Variants in CTNNA2 observed in about 807,000 individuals in gnomAD.
CTNNA2 encodes the protein catenin alpha 2, also known as catenin alpha-2.
Under a neutral mutation model 101.0 loss-of-function variants are expected in CTNNA2, and 42 were observed. The observed-to-expected ratio is 0.42, with a 90% confidence interval of 0.32 to 0.54. The LOEUF (loss-of-function observed/expected upper bound fraction) is 0.54, where lower values mean the gene tolerates loss of function less well. Among genes scored for constraint, CTNNA2 ranks in the 20% least tolerant of loss-of-function variants. The probability of loss-of-function intolerance (pLI) is 0.14; values close to 1 mark genes in which losing one functional copy is unlikely to be tolerated. For missense variants in CTNNA2, 871 were observed against 1,223.1 expected (o/e 0.71, Z 4.29); for synonymous variants, 450 against 456.4 (o/e 0.99, Z 0.18).
At chr2:80,506,270 C>T (rs780761059) in intron 9 of CTNNA2, among the ~76,000 whole-genome samples, 35 of 152,238 alleles carry the variant, frequency 2.3e-4, no homozygotes, top group Non-Finnish European at 3.5e-4. Flanking sequence ...AGCACTTGGG[C>T]TGACTCGTTA....
intron 9 of CTNNA2, among the ~76,000 whole-genome samples, chr2:80,510,793 C>G (rs1688645584): frequency 1.3e-5 from 2 of 152,186 alleles, no homozygotes; most frequent in Admixed American, 1.3e-4. Context: ...ACAGTAGAAT[C>G]TATAATCCTG....
At chr2:79,555,062 G>A (rs1674358820) in intron 1 of CTNNA2, among the ~76,000 whole-genome samples, 1 of 152,150 alleles carries the variant, frequency 6.6e-6, no homozygotes, top group Non-Finnish European at 1.5e-5. Flanking sequence ...TTAGGAATTA[G>A]GAGCAGATTT....
At chr2:80,134,023 A>G (rs1239780459) in intron 7 of CTNNA2, among the ~76,000 whole-genome samples, 1 of 152,196 alleles carries the variant, frequency 6.6e-6, no homozygotes, top group African/African-American at 2.4e-5. Flanking sequence ...GTACGTGACA[A>G]TGACTGGCTC....
chr2:80,341,597 A>G (rs1315892918), intron 7 of CTNNA2, among the ~76,000 whole-genome samples: 1 of 152,226 alleles, frequency 6.6e-6, no homozygotes, highest in Non-Finnish European at 1.5e-5. Context: ...ATAATCAAAA[A>G]AGAAGATGGA....
At chr2:80,079,531 C>A (rs185443537) in intron 7 of CTNNA2, among the ~76,000 whole-genome samples, 238 of 152,280 alleles carry the variant, frequency 1.6e-3, no homozygotes, top group African/African-American at 5.5e-3. Context: ...TCAAATGAGT[C>A]CGGCTGGGCG....
At chr2:79,813,954 A>G (rs1209669093) in intron 3 of CTNNA2, among the ~76,000 whole-genome samples, 3 of 151,972 alleles carry the variant, frequency 2.0e-5, no homozygotes, top group Admixed American at 1.3e-4. Flanking sequence ...TTCTTTCTTG[A>G]CTTTTCTTGG....
chr2:80,136,462 C>T (rs1702702004), intron 7 of CTNNA2, among the ~76,000 whole-genome samples: 1 of 152,126 alleles, frequency 6.6e-6, no homozygotes, highest in Non-Finnish European at 1.5e-5. Flanking sequence ...CCTGCTTGGA[C>T]TCTTCCTTCT....
chr2:80,058,358 A>G (rs1697362308), intron 7 of CTNNA2, among the ~76,000 whole-genome samples: 1 of 152,244 alleles, frequency 6.6e-6, no homozygotes, highest in Non-Finnish European at 1.5e-5. Context: ...ACTGAGGGAT[A>G]GAAAGTTCTG....
At chr2:79,465,511 C>A (rs1670924369) in intron 4 of CTNNA2, among the ~76,000 whole-genome samples, 2 of 152,086 alleles carry the variant, frequency 1.3e-5, no homozygotes, top group Non-Finnish European at 2.9e-5. Flanking sequence ...TTTTCCAATT[C>A]TGTGAAGAAA....
chr2:79,706,041 C>T (rs1401938277), intron 2 of CTNNA2, among the ~76,000 whole-genome samples: 1 of 151,958 alleles, frequency 6.6e-6, no homozygotes, highest in African/African-American at 2.4e-5. Flanking sequence ...CATGGAAGAG[C>T]CGAAGGCCTT....
intron 17 of CTNNA2, among the ~76,000 whole-genome samples, chr2:80,613,721 C>G (rs1698640148): frequency 6.6e-6 from 1 of 151,434 alleles, no homozygotes; most frequent in South Asian, 2.1e-4. Context: ...TTCCAATATA[C>G]TCATTTTAAA....
chr2:79,717,778 G>C (rs1686202622), intron 2 of CTNNA2, among the ~76,000 whole-genome samples: 1 of 152,156 alleles, frequency 6.6e-6, no homozygotes, highest in Non-Finnish European at 1.5e-5. Flanking sequence ...AGCAGGCCAG[G>C]GGGTAGGGCC....
At chr2:80,437,318 T>C (rs1682130069) in intron 9 of CTNNA2, among the ~76,000 whole-genome samples, 1 of 152,224 alleles carries the variant, frequency 6.6e-6, no homozygotes, top group African/African-American at 2.4e-5. Flanking sequence ...TTCCAGTTTA[T>C]AAGATCAGGC....
chr2:79,684,829 A>G (rs535246082), intron 2 of CTNNA2, among the ~76,000 whole-genome samples: 1 of 152,288 alleles, frequency 6.6e-6, no homozygotes, highest in South Asian at 2.1e-4. Flanking sequence ...AGATTTGTCC[A>G]AATTTCCTTT....
At chr2:80,603,869 C>T (rs923163350) in intron 15 of CTNNA2, 1 of 533,024 alleles carries the variant, frequency 1.9e-6, no homozygotes, top group South Asian at 2.6e-5. Flanking sequence ...AAAATGTGAA[C>T]ATGCACATAA....
In CTNNA2 at chr2:79,465,675, C is replaced by T. The variant is rs1006392848; in HGVS notation, c.-134-39379C>T. On this transcript the variant is annotated intron_variant, in intron 4 of 21. Coordinates refer to the CTNNA2 transcript ENST00000466387. ...TATTTCATTGAGCAGTGGTTTGTAG[C>T]TCTCCTTGAAGAGGTCCTTCACATC... 1.3e-4 allele frequency among the ~76,000 whole-genome samples: 20 copies of T among 152,198 alleles called. 1 individual carries two copies. The highest frequency in any genetic ancestry group is 3.1e-4 in the African/African-American group (13 of 41,536).
chr2:79,995,783 C>T (rs929475786), intron 7 of CTNNA2, among the ~76,000 whole-genome samples: 1 of 152,110 alleles, frequency 6.6e-6, no homozygotes, highest in African/African-American at 2.4e-5. Flanking sequence ...CACCACTGCA[C>T]TCCAGCCTGG....
chr2:79,325,736 T>C (rs908392193), intron 3 of CTNNA2, among the ~76,000 whole-genome samples: 14 of 152,188 alleles, frequency 9.2e-5, no homozygotes, highest in Non-Finnish European at 1.5e-5. Flanking sequence ...CCCTCTGGGT[T>C]CTTTCATTGC....
chr2:80,580,040 T>G (rs1222361744), intron 13 of CTNNA2, among the ~76,000 whole-genome samples: 1 of 152,222 alleles, frequency 6.6e-6, no homozygotes, highest in East Asian at 1.9e-4. Flanking sequence ...CTCACTTTTG[T>G]GCACCATCCT....
Sources: allele counts gnomAD v4.1 joint callset (sites outside exome capture counted in the v4.1 genomes callset), GRCh38; gene constraint gnomAD v4.1.1; transcripts MANE v1.5; gene names NCBI Gene and HGNC (gene_info 2026-07-23, HGNC 2026-07-21).